The following NUTM2E variants were observed in gnomAD, a reference collection of about 807,000 sequenced individuals.
NUTM2E encodes the protein family with sequence similarity 22, member E.
A neutral mutation model predicts 26.1 loss-of-function variants in NUTM2E; 3 were observed. The ratio of observed to expected loss-of-function variants is 0.12; its 90% CI spans 0.05 to 0.30. NUTM2E has a LOEUF of 0.30. NUTM2E is among the 10% of genes least tolerant of loss of function. The pLI is 1.00. For missense variants in NUTM2E, 62 were observed against 381.3 expected, an observed-to-expected ratio of 0.16 and a Z score of 6.97; for synonymous variants, 13 against 157.5, an observed-to-expected ratio of 0.08 and a Z score of 6.87.
At chr10:79,829,002 A>C (rs1199632659) in intron 1 of NUTM2E, among the ~76,000 whole-genome samples, 3 of 151,880 alleles carry the variant, frequency 2.0e-5, no homozygotes, top group Non-Finnish European at 4.4e-5. Context: ...AATATTTATA[A>C]TATAACTGTT....
intron 5 of NUTM2E, among the ~76,000 whole-genome samples, chr10:79,845,555 G>A (rs1184027055): frequency 9.3e-6 from 1 of 107,140 alleles, no homozygotes; most frequent in Admixed American, 8.6e-5. Flanking sequence ...TACGATTACT[G>A]TCCCCATTAC....
intron 1 of NUTM2E, among the ~76,000 whole-genome samples, chr10:79,836,192 CTG>C (rs1315448137): frequency 6.6e-6 from 1 of 151,650 alleles, no homozygotes; most frequent in African/African-American, 2.4e-5. Context: ...TTTGTAGAAA[CTG>C]GGCTTTAAAA....
intron 1 of NUTM2E, among the ~76,000 whole-genome samples, chr10:79,828,522 A>C (rs1366700209): frequency 6.6e-6 from 1 of 151,794 alleles, no homozygotes; most frequent in Non-Finnish European, 1.5e-5. Flanking sequence ...AGTAGAAAAA[A>C]TTTTTGCCCT....
chr10:79,828,552 A>T (rs1346927539), intron 1 of NUTM2E, among the ~76,000 whole-genome samples: 4 of 151,962 alleles, frequency 2.6e-5, no homozygotes, highest in Non-Finnish European at 5.9e-5. Context: ...GACTGTTAAC[A>T]GCCCTGGTAG....
chr10:79,828,276 G>A lies in NUTM2E; in HGVS notation c.-2728+919G>A, dbSNP rs1841902462. 1.3e-5 allele frequency among the ~76,000 whole-genome samples: 2 copies of A among 151,850 alleles called. 1 individual carries two copies. On this transcript the variant is annotated intron_variant, in intron 1 of 9. Transcript: ENST00000429984. Reference sequence around the variant, plus strand: ...ATATTTAAGAATTCTAAAACCGCATGGGATTACTTATAACTGTATAGGAGC... The same window carrying A: ...ATATTTAAGAATTCTAAAACCGCATAGGATTACTTATAACTGTATAGGAGC...
intron 1 of NUTM2E, among the ~76,000 whole-genome samples, chr10:79,833,169 T>C (rs1195064253): frequency 2.6e-5 from 4 of 151,902 alleles, no homozygotes; most frequent in Non-Finnish European, 5.9e-5. Context: ...CCACATGTAT[T>C]ACAGTCCCCA....
rs1489039612 is a variant in NUTM2E at position 79,840,616 on chromosome 10, C to T, written c.-1125C>T. 1.3e-5 allele frequency among the ~76,000 whole-genome samples: 2 copies of T among 149,872 alleles called. No homozygotes were observed. The highest frequency in any genetic ancestry group is 4.9e-5 in the African/African-American group (2 of 40,572). ...TGGGCTTGAGACTTGCAATCCACCA[C>T]TTGCCCCTGCCCCTGCCCCTGCAGT... On this transcript the variant is annotated 5_prime_UTR_variant, in exon 4 of 10. Coordinates refer to ENST00000429984, the MANE Select transcript of NUTM2E (RefSeq NM_001355263.2).
chr10:79,832,874 T>G (rs1205703339), intron 1 of NUTM2E, among the ~76,000 whole-genome samples: 2 of 151,746 alleles, frequency 1.3e-5, no homozygotes, highest in Non-Finnish European at 2.9e-5. Flanking sequence ...TATGTGTGTG[T>G]GTATGTGTGT....
chr10:79,829,833 A>G (rs1841915190), intron 1 of NUTM2E, among the ~76,000 whole-genome samples: 1 of 151,626 alleles, frequency 6.6e-6, no homozygotes, highest in Admixed American at 6.6e-5. Context: ...GAAAAAATCT[A>G]GGGAGCTGAT....
At chr10:79,832,008 T>A (rs1446364133) in intron 1 of NUTM2E, among the ~76,000 whole-genome samples, 1 of 135,960 alleles carries the variant, frequency 7.4e-6, no homozygotes, top group South Asian at 2.5e-4. Context: ...TATACTGACA[T>A]GGCAGAGACT....
intron 1 of NUTM2E, among the ~76,000 whole-genome samples, chr10:79,830,109 TAAA>T (rs577936534): frequency 6.6e-6 from 1 of 151,552 alleles, no homozygotes; most frequent in East Asian, 1.9e-4. Flanking sequence ...AAAACTAAAG[TAAA>T]AAAATCTTAA....
rs894948905 is a variant in NUTM2E, at chr10:79,840,152, A to G, written c.-1589A>G. Among the ~76,000 whole-genome samples, 4 of 137,850 alleles carry G rather than the reference A, an allele frequency of 2.9e-5. No homozygotes were observed. The highest frequency in any genetic ancestry group is 1.1e-4 in the African/African-American group (4 of 35,702). The allele number at this position is 137,850 out of a possible 152,430, so 90.4% of individuals were successfully genotyped here. A position where few individuals can be genotyped will look rare whatever the true frequency, so the allele number is the denominator to read the frequency against. ...CGCTTCTTCAGTATCTGAGTATGAT[A>G]TTTTGCTTCAACATCCCTCTTAGAT... On this transcript the variant is annotated 5_prime_UTR_variant, in exon 4 of 10. The change creates a new upstream start codon in the 5' untranslated region. Transcript: ENST00000429984.
At position 79,836,450 on chromosome 10, in the gene NUTM2E, TGTA is replaced by T. The variant is rs199899847; in HGVS notation, c.-2727-1853_-2727-1851del. 9.2e-3 allele frequency among the ~76,000 whole-genome samples: 1,406 copies of T among 152,062 alleles called. 51 individuals carry two copies. The highest frequency in any genetic ancestry group is 0.053 in the Admixed American group (808 of 15,238). ...TAGCTTTTAAATTTACTTTATCTCT[TGTA>T]GTAGTTTTATAGCTACATAAGAGTA... is the stretch of plus-strand genomic sequence containing the variant. On this transcript the variant is annotated intron_variant, in intron 1 of 9. Transcript: ENST00000429984.
At chr10:79,827,795 G>GTTT (rs57414762) in intron 1 of NUTM2E, among the ~76,000 whole-genome samples, 23 of 127,726 alleles carry the variant, frequency 1.8e-4, no homozygotes, top group Admixed American at 2.4e-4. Flanking sequence ...TTTTTTTTTT[G>GTTT]TTTTTTTTTT....
intron 8 of NUTM2E, 100 bp downstream of exon 8, chr10:79,848,995 G>A: frequency 1.3e-6 from 1 of 759,108 alleles, no homozygotes; most frequent in Non-Finnish European, 2.0e-6. Context: ...AGCAGTGTGT[G>A]TATTTCCATG....
chr10:79,833,929 C>G (rs1483572931), intron 1 of NUTM2E, among the ~76,000 whole-genome samples: 3 of 151,846 alleles, frequency 2.0e-5, no homozygotes, highest in Non-Finnish European at 4.4e-5. Context: ...TATTGCAGCA[C>G]TATTCACAAT....
intron 1 of NUTM2E, among the ~76,000 whole-genome samples, chr10:79,835,207 C>T: frequency 1.1e-5 from 1 of 90,914 alleles, no homozygotes; most frequent in South Asian, 4.9e-4. Flanking sequence ...TGGGGACAGA[C>T]AGAATTTTAA....
rs537050362 is a variant in NUTM2E at position 79,827,278 on chromosome 10, T to C, written c.-2807T>C. ...TGTGCGGGATTATTCAACAAGCCGATTGATCACATTCTTCAGCTCTAGCAG... is the reference window on the plus strand; with the variant it reads ...TGTGCGGGATTATTCAACAAGCCGACTGATCACATTCTTCAGCTCTAGCAG... On this transcript the variant is annotated 5_prime_UTR_variant, in exon 1 of 10. Transcript: ENST00000429984. The C allele has an allele frequency of 1.1e-3, 176 of 153,268 alleles. 1 individual carries two copies. Among genetic ancestry groups the C allele is most frequent in the Non-Finnish European group, 9.1e-4 (62 of 67,894 alleles). The allele number at this position is 153,268 out of a possible 1,614,324, so 9.5% of individuals were successfully genotyped here.
Position 79,839,960 on chromosome 10 carries a change from G to C in NUTM2E, c.-1781G>C, listed in dbSNP as rs1841988933. On this transcript the variant is annotated 5_prime_UTR_variant, in exon 4 of 10. The change abolishes an upstream ATG in the 5' untranslated region. Coordinates refer to ENST00000429984, the MANE Select transcript of NUTM2E (RefSeq NM_001355263.2). ...TCCTGGGGTCTAGGACTTCAAACATGTACAGAAGCGATTGCAGAATTAAGA... is the reference window on the plus strand; with the variant it reads ...TCCTGGGGTCTAGGACTTCAAACATCTACAGAAGCGATTGCAGAATTAAGA... Among the ~76,000 whole-genome samples, 1 of 148,538 alleles carries C rather than the reference G, an allele frequency of 6.7e-6. No individual in the cohort carries two copies. Among genetic ancestry groups the C allele is most frequent in the African/African-American group, 2.5e-5 (1 of 39,548 alleles).
Sources: allele counts gnomAD v4.1 joint callset (sites outside exome capture counted in the v4.1 genomes callset), GRCh38; gene constraint gnomAD v4.1.1; transcripts MANE v1.5; gene names NCBI Gene and HGNC (gene_info 2026-07-23, HGNC 2026-07-21).